LRRTM4: variants seen among roughly 807,000 people sequenced by gnomAD.
LRRTM4 encodes the protein leucine rich repeat transmembrane neuronal 4, also known as leucine-rich repeat transmembrane neuronal protein 4.
In LRRTM4, 25 loss-of-function variants were observed where a neutral mutation model predicts 47.6. The ratio of observed to expected loss-of-function variants is 0.53; its 90% CI spans 0.38 to 0.73. The LOEUF is 0.73. Ranked by LOEUF, LRRTM4 falls within the 30% of genes least tolerant of loss-of-function variation. The probability of loss-of-function intolerance (pLI) is 0.00; values close to 1 mark genes in which losing one functional copy is unlikely to be tolerated. For missense variants in LRRTM4, 638 were observed against 713.4 expected (o/e 0.89, Z 1.20); for synonymous variants, 311 against 269.5 (o/e 1.15, Z -1.51).
intron 3 of LRRTM4, among the ~76,000 whole-genome samples, chr2:77,295,157 T>C (rs890446796): frequency 6.6e-6 from 1 of 152,154 alleles, no homozygotes; most frequent in Non-Finnish European, 1.5e-5. Context: ...AATGCAGATA[T>C]GGTCATTCTT....
rs766800634 is a variant in LRRTM4, at chr2:76,810,429, T to C, written c.1552-61513A>G. ...CTGTTTTCTTATAATCTTATCACAC[T>C]GAGTTTTATTATTTTTGCTCTTATG... On this transcript the variant is annotated intron_variant, in intron 3 of 3. Transcript: ENST00000409884. Among the ~76,000 whole-genome samples, 122 of 152,188 alleles carry C rather than the reference T, an allele frequency of 8.0e-4. 1 individual carries two copies. Among genetic ancestry groups the C allele is most frequent in the Non-Finnish European group, 2.2e-4 (15 of 68,018 alleles).
chr2:76,829,502 A>G (rs796177036), intron 3 of LRRTM4, among the ~76,000 whole-genome samples: 4 of 150,714 alleles, frequency 2.7e-5, no homozygotes, highest in African/African-American at 7.3e-5. Flanking sequence ...TCTGCACCAC[A>G]TCTAATCTCT....
chr2:77,222,837 A>C (rs545778904), intron 3 of LRRTM4, among the ~76,000 whole-genome samples: 3 of 152,168 alleles, frequency 2.0e-5, no homozygotes, highest in Admixed American at 6.5e-5. Flanking sequence ...AAAAGAGGGA[A>C]TCCTCCCTAA....
intron 3 of LRRTM4, among the ~76,000 whole-genome samples, chr2:77,300,382 G>A (rs1273876628): frequency 6.6e-6 from 1 of 152,046 alleles, no homozygotes; most frequent in Non-Finnish European, 1.5e-5. Flanking sequence ...TCAAAGAAGA[G>A]GACAAAATAA....
chr2:76,790,309 T>C (rs1674905795), intron 3 of LRRTM4, among the ~76,000 whole-genome samples: 1 of 152,270 alleles, frequency 6.6e-6, no homozygotes, highest in South Asian at 2.1e-4. Flanking sequence ...ATTGCCTCTA[T>C]TTCTGAGGGA....
intron 3 of LRRTM4, among the ~76,000 whole-genome samples, chr2:77,454,040 C>A (rs955965485): frequency 6.6e-6 from 1 of 152,144 alleles, no homozygotes. Context: ...ACCTTACTAT[C>A]TCCTCTCATA....
intron 3 of LRRTM4, among the ~76,000 whole-genome samples, chr2:77,185,915 C>G (rs981468036): frequency 6.6e-6 from 1 of 152,062 alleles, no homozygotes; most frequent in Non-Finnish European, 1.5e-5. Context: ...ACTCGCCTTA[C>G]GTGTTTAACA....
intron 3 of LRRTM4, among the ~76,000 whole-genome samples, chr2:77,348,369 T>G (rs1201806890): frequency 2.6e-5 from 4 of 151,438 alleles, no homozygotes; most frequent in Non-Finnish European, 1.5e-5. Context: ...TTTTATACCC[T>G]GTATCGTGCT....
intron 3 of LRRTM4, among the ~76,000 whole-genome samples, chr2:77,249,489 TAA>T (rs34249922): frequency 4.7e-5 from 7 of 150,260 alleles, no homozygotes; most frequent in African/African-American, 4.9e-5. Context: ...TTGAAAATAT[TAA>T]AAAAAAAACT....
chr2:77,208,026 C>T (rs1016227492), intron 3 of LRRTM4, among the ~76,000 whole-genome samples: 1 of 151,642 alleles, frequency 6.6e-6, no homozygotes, highest in Non-Finnish European at 1.5e-5. Context: ...TCACAGGCAC[C>T]TGCCACCATG....
At chr2:76,771,641 GAAAA>G (rs748214529) in intron 3 of LRRTM4, among the ~76,000 whole-genome samples, 3 of 69,710 alleles carry the variant, frequency 4.3e-5, no homozygotes, top group African/African-American at 1.8e-4. Context: ...CAGGTGAACA[GAAAA>G]AAAAAAAAAA....
intron 3 of LRRTM4, among the ~76,000 whole-genome samples, chr2:77,226,132 A>C (rs1674798629): frequency 6.6e-6 from 1 of 151,810 alleles, no homozygotes; most frequent in Admixed American, 6.6e-5. Context: ...TGTATAATTT[A>C]GAAAACCCTA....
At chr2:77,168,557 G>A (rs1375504404) in intron 3 of LRRTM4, among the ~76,000 whole-genome samples, 2 of 152,000 alleles carry the variant, frequency 1.3e-5, no homozygotes, top group African/African-American at 2.4e-5. Flanking sequence ...TTTGTGTTAG[G>A]AAATATATTT....
chr2:76,815,876 T>TG (rs1170555657), intron 3 of LRRTM4, among the ~76,000 whole-genome samples: 3 of 152,110 alleles, frequency 2.0e-5, no homozygotes, highest in Admixed American at 6.6e-5. Flanking sequence ...CACCAATAAC[T>TG]GGGGGGTGGG....
chr2:77,025,284 C>G (rs967273818), intron 3 of LRRTM4, among the ~76,000 whole-genome samples: 3 of 152,144 alleles, frequency 2.0e-5, no homozygotes, highest in Non-Finnish European at 4.4e-5. Context: ...TTTACGACTA[C>G]AAAATCTAGA....
intron 3 of LRRTM4, among the ~76,000 whole-genome samples, chr2:77,268,349 G>T (rs1456238047): frequency 4.6e-5 from 7 of 152,094 alleles, no homozygotes; most frequent in African/African-American, 1.7e-4. Context: ...AGTATTCTTA[G>T]TCATTTTTTG....
intron 3 of LRRTM4, among the ~76,000 whole-genome samples, chr2:77,360,010 T>A (rs541965902): frequency 8.5e-5 from 13 of 152,248 alleles, no homozygotes; most frequent in East Asian, 5.8e-4. Flanking sequence ...TTCTTTTTTT[T>A]AAAAAAAGTA....
chr2:77,181,226 A>G (rs779297219), intron 3 of LRRTM4, among the ~76,000 whole-genome samples: 2 of 152,164 alleles, frequency 1.3e-5, no homozygotes, highest in Non-Finnish European at 2.9e-5. Flanking sequence ...ACATGGATAT[A>G]ACAAAAATGG....
intron 3 of LRRTM4, among the ~76,000 whole-genome samples, chr2:76,968,800 T>C (rs757553292): frequency 6.6e-6 from 1 of 151,862 alleles, no homozygotes; most frequent in South Asian, 2.1e-4. Context: ...CAAAGACTTC[T>C]CGTGTTCAGC....
Sources: gnomAD v4.1 joint callset for allele counts (sites outside exome capture counted in the v4.1 genomes callset) on GRCh38, gnomAD v4.1.1 for gene constraint, MANE v1.5 for transcripts, NCBI Gene and HGNC (gene_info 2026-07-23, HGNC 2026-07-21) for gene names.